ETV4: variants seen among roughly 807,000 people sequenced by gnomAD.
ETV4 encodes ETS variant transcription factor 4, also known as ETS translocation variant 4.
Under a neutral mutation model 65.9 loss-of-function variants are expected in ETV4, and 42 were observed. The ratio of observed to expected loss-of-function variants is 0.64; its 90% CI spans 0.50 to 0.82. ETV4 has a LOEUF of 0.82. ETV4 is among the 40% of genes least tolerant of loss of function. The pLI is 0.00. For synonymous variants in ETV4, 238 were observed against 260.0 expected (o/e 0.92, Z 0.81); for missense variants, 583 against 630.3 (o/e 0.92, Z 0.80).
chr17:43,538,751 AAG>A (rs1263433201), intron 4 of ETV4, among the ~76,000 whole-genome samples: 1 of 152,140 alleles, frequency 6.6e-6, no homozygotes, highest in Non-Finnish European at 1.5e-5. Flanking sequence ...TTATTCCAGG[AAG>A]AGAGTGGTTC....
intron 4 of ETV4, among the ~76,000 whole-genome samples, chr17:43,538,518 G>T (rs559330261): frequency 2.0e-5 from 3 of 152,244 alleles, no homozygotes; most frequent in South Asian, 2.1e-4. Flanking sequence ...TGGGGAATAG[G>T]CAGGAAAACT....
At chr17:43,537,510 A>T (rs1971306551) in intron 4 of ETV4, among the ~76,000 whole-genome samples, 1 of 151,536 alleles carries the variant, frequency 6.6e-6, no homozygotes, top group Non-Finnish European at 1.5e-5. Context: ...CCTGGCCAAC[A>T]AAGTGAAACT....
At chr17:43,539,668 CTG>C (rs1971420851) in intron 4 of ETV4, among the ~76,000 whole-genome samples, 1 of 152,190 alleles carries the variant, frequency 6.6e-6, no homozygotes, top group Non-Finnish European at 1.5e-5. Flanking sequence ...GAAGTCAGCA[CTG>C]TGGGCCTGAG....
At chr17:43,539,947 C>T (rs1407328128) in intron 4 of ETV4, among the ~76,000 whole-genome samples, 1 of 152,178 alleles carries the variant, frequency 6.6e-6, no homozygotes, top group Non-Finnish European at 1.5e-5. Context: ...TTAACAATCA[C>T]AAGCCACCAG....
At position 43,528,651 on chromosome 17, in the gene ETV4, C is replaced by T; in HGVS notation, c.1323G>A (p.Lys441=). ...CACTGACAGGCCGGTCAAACTCAGCCTTGAGAGCTGGACGCTGATTGTCCG... is the reference window on the plus strand; with the variant it reads ...CACTGACAGGCCGGTCAAACTCAGCTTTGAGAGCTGGACGCTGATTGTCCG... ...AFPDNQRPAL[K]AEFDRPVSEE... Residue 441 remains lysine, a synonymous_variant, in exon 13 of 13, where the codon AAG becomes AAA. Transcript: ENST00000319349. 1.2e-6 allele frequency: 2 copies of T among 1,614,162 alleles called. No individual in the cohort carries two copies. The highest frequency in any genetic ancestry group is 1.7e-6 in the Non-Finnish European group (2 of 1,180,034).
At chr17:43,541,246 T>TAGAAAC (rs1269215182) in intron 4 of ETV4, among the ~76,000 whole-genome samples, 2 of 152,104 alleles carry the variant, frequency 1.3e-5, no homozygotes, top group Admixed American at 1.3e-4. Flanking sequence ...GTCAACAGGA[T>TAGAAAC]AGAAACAGGA....
At chr17:43,530,457 C>T in intron 8 of ETV4, 2 of 1,344,390 alleles carry the variant, frequency 1.5e-6, no homozygotes, top group Non-Finnish European at 1.9e-6. Flanking sequence ...GCCCAAGCTG[C>T]CAGGGAGCAG....
intron 4 of ETV4, among the ~76,000 whole-genome samples, chr17:43,541,269 G>C (rs1014292759): frequency 6.6e-6 from 1 of 152,150 alleles, no homozygotes; most frequent in Non-Finnish European, 1.5e-5. Flanking sequence ...ACTGAGCCTC[G>C]CGTTCCTGGA....
Position 43,537,761 on chromosome 17 carries a change from G to A in ETV4, c.203-1282C>T, listed in dbSNP as rs192705917. On this transcript the variant is annotated intron_variant, in intron 4 of 12. Transcript: ENST00000319349. ...TGTAATCCCAGCACTTTGGGAGGCC[G>A]TGGTGGGCGGATCACGAGGTCAGGA... Among the ~76,000 whole-genome samples the A allele has an allele frequency of 5.9e-4, 90 of 152,228 alleles. No homozygotes were observed. In the East Asian group the frequency reaches 0.014, roughly 23 times the overall value.
intron 5 of ETV4, 68 bp downstream of exon 5, chr17:43,536,358 T>C (rs1469501383): frequency 7.2e-7 from 1 of 1,381,324 alleles, no homozygotes; most frequent in Non-Finnish European, 1.0e-6. Context: ...CTTGTGATTC[T>C]CTATCCTATG....
At chr17:43,545,185 A>T (rs1461524484) in intron 3 of ETV4, 89 bp downstream of exon 3, 1 of 1,114,848 alleles carries the variant, frequency 9.0e-7, no homozygotes, top group African/African-American at 1.8e-5. Context: ...CGGGGGTTCC[A>T]GAATCGGCCG....
At chr17:43,545,049 G>A in intron 3 of ETV4, 27 bp from the exon 4 acceptor site, 1 of 1,611,564 alleles carries the variant, frequency 6.2e-7, no homozygotes, top group Non-Finnish European at 8.5e-7. Context: ...GGAATTGGAG[G>A]TGAGGTGGAG....
rs1429973238 is a variant in ETV4, at chr17:43,532,838, G to A, written c.647C>T (p.Pro216Leu). Residue 216 changes from proline to leucine, a missense_variant, in exon 8 of 13, where the codon CCC becomes CTC. Coordinates refer to ENST00000319349, the MANE Select transcript of ETV4 (RefSeq NM_001079675.5). The part of the protein sequence containing the change: ...PAPYQHQLSE[P>L]CPPYPQQSFK... Reference sequence around the variant, plus strand: ...GCTCTGCTGGGGATAGGGTGGGCAGGGCTCCGACAGCTGGTGTTGGTAGGG... The same window carrying A: ...GCTCTGCTGGGGATAGGGTGGGCAGAGCTCCGACAGCTGGTGTTGGTAGGG... 2 of 1,613,728 alleles carry A rather than the reference G, an allele frequency of 1.2e-6. No individual in the cohort carries two copies. Among genetic ancestry groups the A allele is most frequent in the Non-Finnish European group, 1.7e-6 (2 of 1,179,870 alleles).
chr17:43,538,874 T>C (rs1420409039), intron 4 of ETV4, among the ~76,000 whole-genome samples: 2 of 152,050 alleles, frequency 1.3e-5, no homozygotes, highest in African/African-American at 4.8e-5. Flanking sequence ...GGGAAACTGA[T>C]AAAATGCCCA....
At chr17:43,533,751 C>T in intron 6 of ETV4, 108 bp downstream of exon 6, 3 of 1,411,016 alleles carry the variant, frequency 2.1e-6, no homozygotes, top group Non-Finnish European at 2.9e-6. Context: ...AAAATCCTTT[C>T]TGTTGTCTAA....
At chr17:43,536,059 C>A (rs543048133) in intron 5 of ETV4, among the ~76,000 whole-genome samples, 7 of 152,248 alleles carry the variant, frequency 4.6e-5, no homozygotes, top group Non-Finnish European at 7.4e-5. Flanking sequence ...TGCAGTGAGC[C>A]GAGATTGTGC....
Position 43,533,212 on chromosome 17 carries a change from C to G in ETV4, c.520G>C (p.Gly174Arg). Residue 174 changes from glycine (G) to arginine (R), a missense_variant, in exon 7 of 13, where the codon GGC becomes CGC. Physicochemically the swap from Gly to Arg is moderately radical, Grantham distance 125. Transcript: ENST00000319349. ...CTATGTTCCCCGAGGTACCCATGGC[C>G]AGGGTGGGGCTGGGAGGTGCCAGAG... ...RSSGTSQPHP[G>R]HGYLGEHSSV... 1 of 1,613,122 alleles carries G rather than the reference C, an allele frequency of 6.2e-7. No individual in the cohort carries two copies. Among genetic ancestry groups the G allele is most frequent in the Non-Finnish European group, 8.5e-7 (1 of 1,179,710 alleles).
At position 43,528,606 on chromosome 17, in the gene ETV4, C is replaced by G. The variant is rs892174986; in HGVS notation, c.1368G>C (p.Leu456Phe). The G allele has an allele frequency of 1.9e-6, 3 of 1,614,060 alleles. No homozygotes were observed. Among genetic ancestry groups the G allele is most frequent in the Non-Finnish European group, 2.5e-6 (3 of 1,180,044 alleles). ...AGGCGGGGCTCTCATCCAAGTGGGA[C>G]AAAGGGACTGTGTCCTCCTCACTGA... ...RPVSEEDTVP[L>F]SHLDESPAYL... is the part of the protein sequence containing the mutation. The change falls in exon 13 of 13, where the codon TTG (leucine) becomes TTC (phenylalanine). Residue 456 changes from leucine to phenylalanine, a missense_variant. Coordinates refer to ENST00000319349, the MANE Select transcript of ETV4 (RefSeq NM_001079675.5).
chr17:43,541,628 A>G (rs1458217419), intron 4 of ETV4, among the ~76,000 whole-genome samples: 1 of 152,210 alleles, frequency 6.6e-6, no homozygotes, highest in Non-Finnish European at 1.5e-5. Flanking sequence ...GAAGCTCACC[A>G]TAGGTTAGCC....
Sources: allele counts gnomAD v4.1 joint callset (sites outside exome capture counted in the v4.1 genomes callset), GRCh38; gene constraint gnomAD v4.1.1; transcripts MANE v1.5; gene names NCBI Gene and HGNC (gene_info 2026-07-23, HGNC 2026-07-21).